GDAP1: variants seen among roughly 807,000 people sequenced by gnomAD.
GDAP1 encodes the protein ganglioside induced differentiation associated protein 1.
A neutral mutation model predicts 40.1 loss-of-function variants in GDAP1; 34 were observed. The observed-to-expected ratio is 0.85, with a 90% CI of 0.64 to 1.13. GDAP1 has a LOEUF of 1.13. Among genes scored for constraint, GDAP1 ranks in the 50% most tolerant of loss-of-function variants. The pLI is 0.00. For missense variants in GDAP1, 374 were observed against 433.7 expected, an observed-to-expected ratio of 0.86 and a Z score of 1.22; for synonymous variants, 170 against 157.4, an observed-to-expected ratio of 1.08 and a Z score of -0.60.
In GDAP1 at chr8:74,397,270, G is replaced by A. The variant is rs1487662247; in HGVS notation, c.165+45949G>A. On this transcript the variant is annotated intron_variant, in intron 2 of 2. Transcript: ENST00000523640. ...TCTGGATATTAGCCCTTTGTCAGAT[G>A]AGTAGGTTGCAAAAATTTTCTCCCA... Among the ~76,000 whole-genome samples, 6 of 151,224 alleles carry A rather than the reference G, an allele frequency of 4.0e-5. 1 individual carries two copies. Among genetic ancestry groups the A allele is most frequent in the African/African-American group, 1.2e-4 (5 of 41,188 alleles).
At chr8:74,404,949 A>G (rs1293005762) in intron 2 of GDAP1, among the ~76,000 whole-genome samples, 2 of 150,026 alleles carry the variant, frequency 1.3e-5, no homozygotes, top group Non-Finnish European at 1.5e-5. Flanking sequence ...GTATACTTCA[A>G]ATTCCTTCTA....
intron 2 of GDAP1, among the ~76,000 whole-genome samples, chr8:74,462,740 TA>T (rs1806416023): frequency 6.6e-6 from 1 of 152,236 alleles, no homozygotes; most frequent in South Asian, 2.1e-4. Context: ...AAGAAGAGGG[TA>T]AAACAAAAAT....
chr8:74,350,590 C>T lies in GDAP1; in HGVS notation c.117+12C>T, dbSNP rs202059380. The T allele has an allele frequency of 1.3e-6, 2 of 1,501,518 alleles. No individual in the cohort carries two copies. The allele number at this position is 1,501,518 out of a possible 1,614,324, so 93.0% of individuals were successfully genotyped here. A position where few individuals can be genotyped will look rare whatever the true frequency, so the allele number is the denominator to read the frequency against. ...TCAGCTCTCAAAAGGTACAACAGGC[C>T]TTGGCGGCGGAGGGTGGCGCGGATC... On this transcript the variant is annotated intron_variant, in intron 1 of 5. Coordinates refer to ENST00000220822, the MANE Select transcript of GDAP1 (RefSeq NM_018972.4).
intron 2 of GDAP1, among the ~76,000 whole-genome samples, chr8:74,471,279 T>C (rs947068354): frequency 9.9e-5 from 15 of 152,274 alleles, no homozygotes; most frequent in Admixed American, 6.5e-4. Flanking sequence ...GTTTTGGCTT[T>C]TGTTGCCATT....
At chr8:74,384,196 G>A (rs1055325805) in intron 2 of GDAP1, among the ~76,000 whole-genome samples, 6 of 151,776 alleles carry the variant, frequency 4.0e-5, no homozygotes, top group African/African-American at 9.7e-5. Context: ...TTTCTTCCCC[G>A]AGAAGATTGT....
intron 2 of GDAP1, among the ~76,000 whole-genome samples, chr8:74,462,109 C>T (rs1179823185): frequency 2.0e-5 from 3 of 152,064 alleles, no homozygotes; most frequent in Non-Finnish European, 4.4e-5. Context: ...TCTAAACAAA[C>T]TTTATTATTT....
At chr8:74,470,391 T>C (rs532610644) in intron 2 of GDAP1, among the ~76,000 whole-genome samples, 57 of 152,280 alleles carry the variant, frequency 3.7e-4, no homozygotes, top group African/African-American at 1.3e-3. Flanking sequence ...CTCCTAATGC[T>C]CTCCCTCCCC....
chr8:74,438,008 C>T (rs769396490), intron 2 of GDAP1, among the ~76,000 whole-genome samples: 6 of 151,964 alleles, frequency 3.9e-5, no homozygotes, highest in Non-Finnish European at 5.9e-5. Flanking sequence ...TGGTGGCTCA[C>T]GCCTGTAATC....
At chr8:74,362,492 G>A (rs6995700) in intron 4 of GDAP1, among the ~76,000 whole-genome samples, 41,126 of 151,950 alleles carry the variant, frequency 0.27, 6,132 homozygotes, top group Non-Finnish European at 0.34. Context: ...GTAGCTAAAC[G>A]AGCTCCTCAG....
At chr8:74,443,655 C>T (rs1806191492) in intron 2 of GDAP1, among the ~76,000 whole-genome samples, 1 of 152,108 alleles carries the variant, frequency 6.6e-6, no homozygotes, top group South Asian at 2.1e-4. Flanking sequence ...AAAATCCAGA[C>T]TTCTAAGATT....
chr8:74,388,026 T>C (rs902053812), intron 2 of GDAP1, among the ~76,000 whole-genome samples: 1 of 152,220 alleles, frequency 6.6e-6, no homozygotes, highest in Non-Finnish European at 1.5e-5. Flanking sequence ...TGATATCCTC[T>C]TTATCATTTT....
intron 2 of GDAP1, among the ~76,000 whole-genome samples, chr8:74,462,463 G>C (rs1806412924): frequency 6.6e-6 from 1 of 152,148 alleles, no homozygotes; most frequent in African/African-American, 2.4e-5. Flanking sequence ...TTAGTGCCTT[G>C]GGACATGTAG....
chr8:74,392,970 A>G (rs952789030), intron 2 of GDAP1, among the ~76,000 whole-genome samples: 4 of 152,226 alleles, frequency 2.6e-5, no homozygotes, highest in African/African-American at 9.6e-5. Flanking sequence ...CTAGCGCTAT[A>G]CAGAATCCTA....
At position 74,364,883 on chromosome 8, in the gene GDAP1, C is replaced by T. The variant is rs1164190723; in HGVS notation, c.*516C>T. On this transcript the variant is annotated 3_prime_UTR_variant, in exon 6 of 6. Transcript: ENST00000220822. ...CACATTGCTTTAGTAAGATTAAGTG[C>T]TTATATACTAGAAATTTGATGCTCA... 2.2e-6 allele frequency: 1 copy of T among 454,008 alleles called. No individual in the cohort carries two copies. Among genetic ancestry groups the T allele is most frequent in the African/African-American group, 2.0e-5 (1 of 49,984 alleles). The allele number at this position is 454,008 out of a possible 1,614,324, so 28.1% of individuals were successfully genotyped here. A position where few individuals can be genotyped will look rare whatever the true frequency, so the allele number is the denominator to read the frequency against.
chr8:74,425,287 T>A (rs55780920), intron 2 of GDAP1, among the ~76,000 whole-genome samples: 1 of 152,082 alleles, frequency 6.6e-6, no homozygotes, highest in African/African-American at 2.4e-5. Flanking sequence ...ATATTATTCC[T>A]TTGTTACTTG....
At position 74,363,054 on chromosome 8, in the gene GDAP1, G is replaced by A. The variant is rs1183978180; in HGVS notation, c.694+1G>A. The A allele has an allele frequency of 1.5e-6, 2 of 1,299,682 alleles. No individual in the cohort carries two copies. Among genetic ancestry groups the A allele is most frequent in the Non-Finnish European group, 1.1e-6 (1 of 893,108 alleles). The allele number at this position is 1,299,682 out of a possible 1,614,324, so 80.5% of individuals were successfully genotyped here. A position where few individuals can be genotyped will look rare whatever the true frequency, so the allele number is the denominator to read the frequency against. On this transcript the variant is annotated splice_donor_variant, in intron 5 of 5. Transcript: ENST00000220822. LOFTEE classifies it high-confidence loss of function. ...CAAAGAAGAAATGAAGAAACCCCAG[G>A]TAGGTTCTCATTTATATTCTTTCTC...
At chr8:74,475,519 C>T (rs1413403750) in intron 2 of GDAP1, among the ~76,000 whole-genome samples, 2 of 152,026 alleles carry the variant, frequency 1.3e-5, no homozygotes, top group Non-Finnish European at 2.9e-5. Context: ...CTTCTTGATT[C>T]CTGCCTTAAT....
intron 2 of GDAP1, among the ~76,000 whole-genome samples, chr8:74,354,956 A>G (rs982604788): frequency 6.6e-6 from 1 of 152,188 alleles, no homozygotes; most frequent in Admixed American, 6.5e-5. Context: ...CTTCACTGTT[A>G]TTTGCTGTCC....
chr8:74,462,953 G>T (rs1806418779), intron 2 of GDAP1, among the ~76,000 whole-genome samples: 1 of 150,558 alleles, frequency 6.6e-6, no homozygotes, highest in Non-Finnish European at 1.5e-5. Context: ...AAGATCAAGT[G>T]CAAAGGGAAA....
Sources: gnomAD v4.1 joint callset for allele counts (sites outside exome capture counted in the v4.1 genomes callset) on GRCh38, gnomAD v4.1.1 for gene constraint, MANE v1.5 for transcripts, NCBI Gene and HGNC (gene_info 2026-07-23, HGNC 2026-07-21) for gene names.